Variants in NDUFA5 observed in about 807,000 individuals in gnomAD.
The protein encoded by NDUFA5 is NADH:ubiquinone oxidoreductase subunit A5, also known as NADH dehydrogenase [ubiquinone] 1 alpha subcomplex subunit 5.
NDUFA5 carries 11 observed loss-of-function variants against 19.8 expected under a neutral mutation model. The observed-to-expected ratio is 0.56, with a 90% CI of 0.35 to 0.92. NDUFA5 has a LOEUF of 0.92. NDUFA5 is among the 40% of genes least tolerant of loss of function. NDUFA5 has a pLI of 0.01. For missense variants in NDUFA5, 109 were observed against 134.2 expected (o/e 0.81, Z 0.93); for synonymous variants, 47 against 46.8 (o/e 1.00, Z -0.01).
Position 123,542,059 on chromosome 7 carries a change from A to T in NDUFA5, c.*60T>A. On this transcript the variant is annotated 3_prime_UTR_variant, in exon 5 of 5. Coordinates refer to ENST00000355749, the MANE Select transcript of NDUFA5 (RefSeq NM_005000.5). The stretch of plus-strand genomic sequence containing the variant: ...ATGTCAGTAATAAGAACACGCTCTT[A>T]ATATAACAGAATATTTAATTACATC... 4 of 1,222,806 alleles carry T rather than the reference A, an allele frequency of 3.3e-6. No homozygotes were observed. Among genetic ancestry groups the T allele is most frequent in the Non-Finnish European group, 4.6e-6 (4 of 861,284 alleles). The allele number at this position is 1,222,806 out of a possible 1,614,324, so 75.7% of individuals were successfully genotyped here. A position where few individuals can be genotyped will look rare whatever the true frequency, so the allele number is the denominator to read the frequency against.
chr7:123,545,882 T>C, intron 3 of NDUFA5: 1 of 452,336 alleles, frequency 2.2e-6, no homozygotes, highest in Non-Finnish European at 3.9e-6. Context: ...TGCTAAATGT[T>C]TATTGACATG....
At position 123,545,742 on chromosome 7, in the gene NDUFA5, T is replaced by C. The variant is rs1472264633; in HGVS notation, c.184-66A>G. 5 of 1,039,484 alleles carry C rather than the reference T, an allele frequency of 4.8e-6. No individual in the cohort carries two copies. In the Admixed American group the frequency reaches 9.6e-5, roughly 20 times the overall value. 64.4% of individuals were successfully genotyped at this position (1,039,484 alleles called of 1,614,324 possible). On this transcript the variant is annotated intron_variant, in intron 3 of 4. Coordinates refer to ENST00000355749, the MANE Select transcript of NDUFA5 (RefSeq NM_005000.5). Reference sequence around the variant, plus strand: ...ACTGAATGTTTCAATATCCTATATATTTTAAAATTCCTATATAAAAACACT... The same window carrying C: ...ACTGAATGTTTCAATATCCTATATACTTTAAAATTCCTATATAAAAACACT...
chr7:123,564,230 T>C, the NDUFA5 span, among the ~76,000 whole-genome samples: 2 of 152,262 alleles, frequency 1.3e-5, no homozygotes, highest in Non-Finnish European at 2.9e-5. Flanking sequence ...TGAGTTATTA[T>C]ATGTATATGC....
the NDUFA5 span, chr7:123,584,759 C>T: frequency 2.0e-5 from 3 of 151,940 alleles, no homozygotes; most frequent in East Asian, 5.8e-4. Context: ...AAATCACAAA[C>T]TATTGAAGAA....
upstream of NDUFA5, among the ~76,000 whole-genome samples, chr7:123,559,673 T>C (rs1438684884): frequency 1.3e-5 from 2 of 151,856 alleles, no homozygotes; most frequent in African/African-American, 4.8e-5. Context: ...CTGGCCAACA[T>C]GACAAAACCT....
intron 2 of NDUFA5, chr7:123,556,980 A>G (rs1469573308): frequency 4.5e-6 from 2 of 448,802 alleles, no homozygotes; most frequent in Admixed American, 5.4e-5. Flanking sequence ...TTTTTGATGA[A>G]AACATTCGTG....
the NDUFA5 span, among the ~76,000 whole-genome samples, chr7:123,587,625 T>C: frequency 6.6e-6 from 1 of 151,730 alleles, no homozygotes; most frequent in Admixed American, 6.6e-5. Context: ...TTGTTCCAGT[T>C]CTTAAAGAAA....
chr7:123,556,594 G>C (rs1430602403), intron 2 of NDUFA5: 1 of 246,100 alleles, frequency 4.1e-6, no homozygotes, highest in Non-Finnish European at 8.1e-6. Flanking sequence ...GATGGAAAAA[G>C]TGTCAAATGT....
At chr7:123,578,072 G>A in the NDUFA5 span, among the ~76,000 whole-genome samples, 1 of 149,936 alleles carries the variant, frequency 6.7e-6, no homozygotes, top group African/African-American at 2.5e-5. Context: ...GCCCCGGTGT[G>A]TGAAGTTCCC....
the NDUFA5 span, among the ~76,000 whole-genome samples, chr7:123,574,100 C>T: frequency 6.6e-6 from 1 of 152,058 alleles, no homozygotes; most frequent in Non-Finnish European, 1.5e-5. Context: ...TGTTAAATAT[C>T]CCCTTTGGAG....
At chr7:123,583,929 T>C in the NDUFA5 span, among the ~76,000 whole-genome samples, 1 of 151,954 alleles carries the variant, frequency 6.6e-6, no homozygotes, top group Non-Finnish European at 1.5e-5. Flanking sequence ...CAGCAGAATT[T>C]GATACAGTCG....
At chr7:123,557,692 G>C (rs755189888) in intron 1 of NDUFA5, 83 bp downstream of exon 1, 11 of 1,613,872 alleles carry the variant, frequency 6.8e-6, no homozygotes, top group African/African-American at 2.7e-5. Flanking sequence ...GACAGTAGGG[G>C]TCAACACCCG....
the NDUFA5 span, chr7:123,598,844 A>G: frequency 6.6e-6 from 1 of 152,210 alleles, no homozygotes; most frequent in East Asian, 1.9e-4. Flanking sequence ...AGTAATGTCA[A>G]CAACGTGGAT....
At chr7:123,559,541 C>G (rs892511200), upstream of NDUFA5, among the ~76,000 whole-genome samples, 6 of 152,098 alleles carry the variant, frequency 3.9e-5, no homozygotes, top group African/African-American at 1.4e-4. Context: ...CTGATTCCAA[C>G]CAGACAAAGA....
chr7:123,546,680 G>T, intron 3 of NDUFA5: 1 of 1,288,364 alleles, frequency 7.8e-7, no homozygotes. Flanking sequence ...AACACAAGAC[G>T]TGATATGTTA....
chr7:123,557,591 C>CT, intron 1 of NDUFA5, 143 bp from the exon 2 acceptor site: 1 of 1,612,890 alleles, frequency 6.2e-7, no homozygotes, highest in Non-Finnish European at 8.5e-7. Flanking sequence ...TTGTTTGGAG[C>CT]TTTTTTCCTG....
intron 2 of NDUFA5, among the ~76,000 whole-genome samples, chr7:123,553,710 A>C (rs1380412372): frequency 1.3e-5 from 2 of 152,216 alleles, no homozygotes; most frequent in African/African-American, 4.8e-5. Flanking sequence ...TCCACTCCTT[A>C]GGTGCACTGG....
the NDUFA5 span, among the ~76,000 whole-genome samples, chr7:123,570,029 C>CTTTTTTTTTTTTT: frequency 1.1e-5 from 1 of 88,176 alleles, no homozygotes; most frequent in Non-Finnish European, 2.1e-5. Context: ...ACTGCCATAG[C>CTTTTTTTTTTTTT]TTTTTTTTTT....
the NDUFA5 span, among the ~76,000 whole-genome samples, chr7:123,571,224 A>G: frequency 6.6e-6 from 1 of 152,220 alleles, no homozygotes; most frequent in South Asian, 2.1e-4. Flanking sequence ...GATTGGGAGC[A>G]CTTTATCAAA....
Sources: gnomAD v4.1 joint callset for allele counts (sites outside exome capture counted in the v4.1 genomes callset) on GRCh38, gnomAD v4.1.1 for gene constraint, MANE v1.5 for transcripts, NCBI Gene and HGNC (gene_info 2026-07-23, HGNC 2026-07-21) for gene names.